The following ZNF268 variants were observed in gnomAD, a reference collection of about 807,000 sequenced individuals.
The protein encoded by ZNF268 is zinc finger protein 268, also known as zinc finger protein 3.
In ZNF268, 20 loss-of-function variants were observed where a neutral mutation model predicts 29.3. The ratio of observed to expected loss-of-function variants is 0.68; its 90% confidence interval spans 0.48 to 0.99. ZNF268 has a LOEUF of 0.99. ZNF268 is among the 50% of genes least tolerant of loss of function. The pLI, the probability that ZNF268 is intolerant of heterozygous loss-of-function variation, is 0.00. For missense variants in ZNF268, 1,240 were observed against 1,121.6 expected (o/e 1.11, Z -1.51); for synonymous variants, 429 against 376.9 (o/e 1.14, Z -1.60).
At position 133,209,770 on chromosome 12, in the gene ZNF268, GC is replaced by G. The variant is rs1293974434; in HGVS notation, c.*5242del. 6.6e-6 allele frequency: 1 copy of G among 152,232 alleles called. No homozygotes were observed. The highest frequency in any genetic ancestry group is 2.4e-5 in the African/African-American group (1 of 41,452). The allele number at this position is 152,232 out of a possible 1,614,324, so 9.4% of individuals were successfully genotyped here. On this transcript the variant is annotated 3_prime_UTR_variant, in exon 6 of 6. Coordinates refer to ENST00000536435, the MANE Select transcript of ZNF268 (RefSeq NM_003415.3). ...GGAGGTTGCAGTGAGCTGAGATTGT[GC>G]CATTGCACTCCAGCCCGGGCAGCAG...
At chr12:133,184,599 G>A (rs1052923637) in intron 2 of ZNF268, 14 of 359,146 alleles carry the variant, frequency 3.9e-5, no homozygotes, top group East Asian at 2.3e-4. Context: ...TTAAAAGGCC[G>A]CACCTCTTTA....
At position 133,206,816 on chromosome 12, in the gene ZNF268, G is replaced by A. The variant is rs560798753; in HGVS notation, c.*2286G>A. The A allele has an allele frequency of 6.6e-6, 1 of 152,250 alleles. No individual in the cohort carries two copies. The highest frequency in any genetic ancestry group is 2.1e-4 in the South Asian group (1 of 4,824). The allele number at this position is 152,250 out of a possible 1,614,324, so 9.4% of individuals were successfully genotyped here. ...GGACATCTTACATAAACAAATAATC[G>A]CAGATACTTGCTAAAGTGTATCCCC... On this transcript the variant is annotated 3_prime_UTR_variant, in exon 6 of 6. Transcript: ENST00000536435.
chr12:133,203,284 G>C lies in ZNF268; in HGVS notation c.1598G>C (p.Cys533Ser). 6.5e-7 allele frequency: 1 copy of C among 1,539,584 alleles called. No homozygotes were observed. The change falls in exon 6 of 6, where the codon TGT becomes TCT. Residue 533 changes from cysteine to serine, a missense_variant. Physicochemically the swap from Cys to Ser is moderately radical, Grantham distance 112. Coordinates refer to ENST00000536435, the MANE Select transcript of ZNF268 (RefSeq NM_003415.3). ...TGEKLHECNN[C>S]GKAFSFKSQL... ...GAAAAACTCCATGAATGCAACAATT[G>C]TGGGAAAGCCTTCAGTTTTAAATCA...
At chr12:133,201,535 T>G (rs944674321) in intron 5 of ZNF268, among the ~76,000 whole-genome samples, 3 of 152,118 alleles carry the variant, frequency 2.0e-5, no homozygotes, top group African/African-American at 7.2e-5. Flanking sequence ...TAATTTTTGT[T>G]ACATTGTAGA....
intron 5 of ZNF268, among the ~76,000 whole-genome samples, chr12:133,193,929 A>C (rs1256422843): frequency 6.6e-6 from 1 of 151,944 alleles, no homozygotes; most frequent in East Asian, 1.9e-4. Context: ...CCTGTTTTTT[A>C]AATTCTAAGT....
Position 133,203,019 on chromosome 12 carries a change from G to T in ZNF268, c.1333G>T (p.Val445Phe). 6.5e-7 allele frequency: 1 copy of T among 1,545,986 alleles called. No individual in the cohort carries two copies. The highest frequency in any genetic ancestry group is 8.7e-7 in the Non-Finnish European group (1 of 1,151,272). Residue 445 changes from valine to phenylalanine, a missense_variant, in exon 6 of 6, where the codon GTT (valine) becomes TTT (phenylalanine). Physicochemically the swap from Val to Phe is conservative, Grantham distance 50 (BLOSUM62 -1). This residue lies in a region of ZNF268 where 1,177 missense variants were observed against 1,039.6 expected (regional missense o/e 1.13). Coordinates refer to ENST00000536435, the MANE Select transcript of ZNF268 (RefSeq NM_003415.3). ...AACCCATACAGGGGAGAAACCTTAT[G>T]TTTGTAGTGATTGTGGAAAAGCCTT... ...QRTHTGEKPY[V>F]CSDCGKAFTF...
intron 3 of ZNF268, 145 bp downstream of exon 3, chr12:133,188,217 G>A: frequency 1.4e-6 from 1 of 726,860 alleles, no homozygotes; most frequent in Non-Finnish European, 2.2e-6. Flanking sequence ...TTTTTTTTGA[G>A]ACAGGGTCTT....
intron 5 of ZNF268, 22 bp from the exon 6 acceptor site, chr12:133,202,122 G>A (rs768169768): frequency 6.5e-7 from 1 of 1,532,820 alleles, no homozygotes; most frequent in Non-Finnish European, 8.8e-7. Flanking sequence ...TATAACATGT[G>A]ACCAATTGTT....
At chr12:133,187,269 A>G (rs186634986) in intron 2 of ZNF268, among the ~76,000 whole-genome samples, 1 of 150,920 alleles carries the variant, frequency 6.6e-6, no homozygotes, top group Non-Finnish European at 1.5e-5. Context: ...TTCATTTCTG[A>G]ATTTTTTTCC....
At chr12:133,198,352 C>T (rs1407895970) in intron 5 of ZNF268, among the ~76,000 whole-genome samples, 42 of 149,530 alleles carry the variant, frequency 2.8e-4, no homozygotes, top group Admixed American at 2.2e-3. Flanking sequence ...TGTAGATATG[C>T]GGCATTATTT....
At chr12:133,190,758 C>T (rs184281744) in intron 3 of ZNF268, among the ~76,000 whole-genome samples, 2 of 152,234 alleles carry the variant, frequency 1.3e-5, no homozygotes, top group African/African-American at 4.8e-5. Context: ...TTTGTGCCTA[C>T]GTTGTAATCT....
chr12:133,194,221 C>T (rs967262352), intron 5 of ZNF268, among the ~76,000 whole-genome samples: 1 of 152,198 alleles, frequency 6.6e-6, no homozygotes, highest in Non-Finnish European at 1.5e-5. Flanking sequence ...ACTAGCATGA[C>T]AGCATAAATC....
rs1156233294 is a variant in ZNF268 at position 133,214,061 on chromosome 12, A to C, written c.*9531A>C. 34 of 152,222 alleles carry C rather than the reference A, an allele frequency of 2.2e-4. 1 individual carries two copies. The allele number at this position is 152,222 out of a possible 1,614,324, so 9.4% of individuals were successfully genotyped here. On this transcript the variant is annotated 3_prime_UTR_variant, in exon 6 of 6. Transcript: ENST00000536435. ...TACCTGATAAGGGTCTAGTATCCAG[A>C]ACATATAAAGAACTCTTACAACCCA...
In ZNF268 at chr12:133,204,635, A is replaced by C; in HGVS notation, c.*105A>C. 3 of 854,836 alleles carry C rather than the reference A, an allele frequency of 3.5e-6. No homozygotes were observed. Among genetic ancestry groups the C allele is most frequent in the Non-Finnish European group, 3.3e-6 (2 of 607,724 alleles). 53.0% of individuals were successfully genotyped at this position (854,836 alleles called of 1,614,324 possible). Reference sequence around the variant, plus strand: ...CATCTTGTCATCTTCCAGAAAACTCATACTGAATAGAAACTTTATGAATGC... The same window carrying C: ...CATCTTGTCATCTTCCAGAAAACTCCTACTGAATAGAAACTTTATGAATGC... On this transcript the variant is annotated 3_prime_UTR_variant, in exon 6 of 6. Transcript: ENST00000536435.
chr12:133,193,572 G>C (rs1956525687), intron 5 of ZNF268: 1 of 623,284 alleles, frequency 1.6e-6, no homozygotes, highest in Non-Finnish European at 2.9e-6. Context: ...GGCAAAAAAG[G>C]CCTAAGATCA....
rs1218369170 is a variant in ZNF268 at position 133,212,471 on chromosome 12, A to G, written c.*7941A>G. ...TATATATATATATATATATATATAT[A>G]TATATATATATATATATATATATAT... On this transcript the variant is annotated 3_prime_UTR_variant, in exon 6 of 6. Transcript: ENST00000536435. 23 of 12,992 alleles carry G rather than the reference A, an allele frequency of 1.8e-3. 1 individual carries two copies. The highest frequency in any genetic ancestry group is 3.0e-3 in the African/African-American group (16 of 5,248). 0.8% of individuals were successfully genotyped at this position (12,992 alleles called of 1,614,324 possible). A position where few individuals can be genotyped will look rare whatever the true frequency, so the allele number is the denominator to read the frequency against.
chr12:133,191,303 T>G (rs1956465878), intron 3 of ZNF268, among the ~76,000 whole-genome samples, 186 bp from the exon 4 acceptor site: 1 of 149,672 alleles, frequency 6.7e-6, no homozygotes, highest in African/African-American at 2.5e-5. Context: ...GGCAGCAGAG[T>G]GAGACTCTGT....
intron 2 of ZNF268, among the ~76,000 whole-genome samples, chr12:133,186,531 G>A (rs969356704): frequency 4.0e-5 from 6 of 151,718 alleles, no homozygotes; most frequent in South Asian, 2.1e-4. Context: ...ACGCTGCCAC[G>A]CCTGGCTGAT....
rs1956533658 is a variant in ZNF268, at chr12:133,193,839, C to T, written c.457+1836C>T. Among the ~76,000 whole-genome samples, 14 of 152,268 alleles carry T rather than the reference C, an allele frequency of 9.2e-5. 1 individual carries two copies. The South Asian group carries it at 2.9e-3, about 32-fold the overall frequency. The stretch of plus-strand genomic sequence containing the variant: ...TCTCCCTCATACCACTCCCTGGCCT[C>T]GTTTTCAGAAACTGGAATCGTCTCT... On this transcript the variant is annotated intron_variant, in intron 5 of 5. Transcript: ENST00000536435.
Sources: allele counts gnomAD v4.1 joint callset (sites outside exome capture counted in the v4.1 genomes callset), GRCh38; gene constraint gnomAD v4.1.1; regional missense constraint gnomAD v4.1.1; transcripts MANE v1.5; gene names NCBI Gene and HGNC (gene_info 2026-07-23, HGNC 2026-07-21).